ZMYND11: variants seen among roughly 807,000 people sequenced by gnomAD.
The protein encoded by ZMYND11 is zinc finger MYND domain-containing protein 11.
A neutral mutation model predicts 84.9 loss-of-function variants in ZMYND11; 9 were observed. The observed-to-expected ratio is 0.11, with a 90% CI of 0.06 to 0.18. ZMYND11 has a LOEUF of 0.18. Among genes scored for constraint, ZMYND11 ranks in the 10% least tolerant of loss-of-function variants. The probability of loss-of-function intolerance (pLI) is 1.00; values close to 1 mark genes in which losing one functional copy is unlikely to be tolerated. For synonymous variants in ZMYND11, 250 were observed against 244.1 expected (o/e 1.02, Z -0.23); for missense variants, 409 against 761.0 (o/e 0.54, Z 5.44).
At chr10:225,132 A>G (rs2131488520) in intron 4 of ZMYND11, among the ~76,000 whole-genome samples, 1 of 152,352 alleles carries the variant, frequency 6.6e-6, no homozygotes, top group Non-Finnish European at 1.5e-5. Context: ...AAAATTATAT[A>G]CATTTATGTA....
intron 3 of ZMYND11, among the ~76,000 whole-genome samples, chr10:216,714 G>A (rs1277267586): frequency 6.6e-6 from 1 of 152,026 alleles, no homozygotes; most frequent in Non-Finnish European, 1.5e-5. Flanking sequence ...TCTTGCTTTG[G>A]TAAAATACTT....
intron 2 of ZMYND11, among the ~76,000 whole-genome samples, chr10:206,994 C>T (rs866662863): frequency 8.5e-5 from 13 of 152,156 alleles, no homozygotes; most frequent in African/African-American, 2.9e-4. Context: ...CCCACTCCCC[C>T]GACCCCACAA....
intron 6 of ZMYND11, among the ~76,000 whole-genome samples, chr10:239,083 G>A (rs748691067): frequency 1.3e-5 from 2 of 152,200 alleles, no homozygotes; most frequent in African/African-American, 4.8e-5. Context: ...ACAGGTGTGT[G>A]CTTAGGGTCT....
In ZMYND11 at chr10:155,510, C is replaced by CA. The variant is rs545746430; in HGVS notation, c.-20+19958dup. On this transcript the variant is annotated intron_variant, in intron 1 of 14. Transcript: ENST00000381604. Reference sequence around the variant, plus strand: ...CCAAAACAGCAACAACAATGAGAAACAAAAAAAGGAATTTTGAAGAATCAT... The same window carrying CA: ...CCAAAACAGCAACAACAATGAGAAACAAAAAAAAGGAATTTTGAAGAATCAT... 3.0e-3 allele frequency among the ~76,000 whole-genome samples: 459 copies of CA among 151,706 alleles called. No homozygotes were observed. In the Middle Eastern group the frequency reaches 0.031, roughly 10 times the overall value.
chr10:171,857 G>A (rs1350327653), intron 1 of ZMYND11, among the ~76,000 whole-genome samples: 3 of 152,172 alleles, frequency 2.0e-5, no homozygotes, highest in Non-Finnish European at 4.4e-5. Context: ...GCCTTTCAAT[G>A]TCATATAGGA....
At chr10:188,798 A>G (rs1024537562) in intron 2 of ZMYND11, among the ~76,000 whole-genome samples, 12 of 152,336 alleles carry the variant, frequency 7.9e-5, no homozygotes, top group Admixed American at 7.8e-4. Flanking sequence ...AGTAATGGTT[A>G]TAAGATAGTT....
At chr10:132,807 A>G (rs1400215854), upstream of ZMYND11, among the ~76,000 whole-genome samples, 3 of 152,156 alleles carry the variant, frequency 2.0e-5, no homozygotes, top group African/African-American at 7.2e-5. Flanking sequence ...GGGCGGGAGG[A>G]GTATTCCCAC....
At chr10:144,731 A>T (rs1291971343) in intron 1 of ZMYND11, among the ~76,000 whole-genome samples, 4 of 146,436 alleles carry the variant, frequency 2.7e-5, no homozygotes, top group Non-Finnish European at 4.5e-5. Context: ...CTACATATAA[A>T]ATATATATAT....
intron 10 of ZMYND11, among the ~76,000 whole-genome samples, chr10:246,083 GAA>G (rs1952080173): frequency 6.6e-6 from 1 of 152,070 alleles, no homozygotes. Context: ...CAATGCCCAG[GAA>G]AAAGTGTTCT....
intron 1 of ZMYND11, among the ~76,000 whole-genome samples, chr10:178,023 A>T (rs1847042818): frequency 1.3e-5 from 2 of 152,206 alleles, no homozygotes; most frequent in Admixed American, 6.6e-5. Context: ...TTTTAAAGAA[A>T]TTAAGAAAGG....
Position 252,769 on chromosome 10 carries a change from A to C in ZMYND11, c.*299A>C. Reference sequence around the variant, plus strand: ...AGGTTTTACAGAGATTTTAACCTTTAAACAACAGATCTTTAAAAAACAGGT... The same window carrying C: ...AGGTTTTACAGAGATTTTAACCTTTCAACAACAGATCTTTAAAAAACAGGT... On this transcript the variant is annotated 3_prime_UTR_variant, in exon 15 of 15. Transcript: ENST00000381604. This position sits in a 1 kb window ranked among gnomAD's most constrained non-coding sequence, Gnocchi z 4.6. 4.1e-6 allele frequency: 1 copy of C among 241,662 alleles called. No individual in the cohort carries two copies. Among genetic ancestry groups the C allele is most frequent in the South Asian group, 7.5e-5 (1 of 13,380 alleles). 15.0% of individuals were successfully genotyped at this position (241,662 alleles called of 1,614,324 possible). A position where few individuals can be genotyped will look rare whatever the true frequency, so the allele number is the denominator to read the frequency against.
intron 2 of ZMYND11, among the ~76,000 whole-genome samples, chr10:187,007 C>G (rs530787038): frequency 4.6e-5 from 7 of 151,968 alleles, no homozygotes; most frequent in African/African-American, 1.7e-4. Flanking sequence ...ATTGGGGGAT[C>G]GCTTGAGAGT....
intron 1 of ZMYND11, among the ~76,000 whole-genome samples, chr10:163,907 CAT>C (rs1843445847): frequency 6.6e-6 from 1 of 152,086 alleles, no homozygotes; most frequent in Admixed American, 6.6e-5. Flanking sequence ...GATACCTTCA[CAT>C]GTCAGTGTCT....
chr10:248,615 C>A lies in ZMYND11; in HGVS notation c.1500+7C>A. On this transcript the variant is annotated splice_region_variant and intron_variant, in intron 13 of 14. Transcript: ENST00000381604. ...CCGAGAAGCTCTGGAGAAGGTAATG[C>A]TTGTCGCCACTGTGGGTGCCCTGCT... 6.3e-7 allele frequency: 1 copy of A among 1,589,748 alleles called. No individual in the cohort carries two copies. The highest frequency in any genetic ancestry group is 8.6e-7 in the Non-Finnish European group (1 of 1,169,118).
At chr10:211,000 A>AT (rs200081994) in intron 3 of ZMYND11, among the ~76,000 whole-genome samples, 481 of 151,924 alleles carry the variant, frequency 3.2e-3, no homozygotes, top group African/African-American at 0.011. Context: ...CTCTACAAAA[A>AT]AAAATAAAAT....
chr10:158,098 AAC>A (rs1405733814), intron 1 of ZMYND11, among the ~76,000 whole-genome samples: 7 of 152,376 alleles, frequency 4.6e-5, no homozygotes, highest in Admixed American at 1.3e-4. Context: ...CATTGGATAT[AAC>A]ACATTTTGTT....
intron 2 of ZMYND11, among the ~76,000 whole-genome samples, chr10:197,348 C>CT (rs538556251): frequency 7.2e-5 from 11 of 152,034 alleles, no homozygotes; most frequent in East Asian, 5.8e-4. Context: ...TGGAACTTCT[C>CT]TTTTTTTTCA....
chr10:165,243 T>C (rs1426036140), intron 1 of ZMYND11, among the ~76,000 whole-genome samples: 1 of 152,154 alleles, frequency 6.6e-6, no homozygotes, highest in Non-Finnish European at 1.5e-5. Context: ...CTTTCTGCTT[T>C]TTGACATCCT....
intron 3 of ZMYND11, among the ~76,000 whole-genome samples, chr10:216,270 T>A (rs1356997422): frequency 2.6e-5 from 4 of 152,178 alleles, no homozygotes; most frequent in Non-Finnish European, 4.4e-5. Context: ...TGAGCCTGAC[T>A]CCCCAACCCC....
Sources: allele counts gnomAD v4.1 joint callset (sites outside exome capture counted in the v4.1 genomes callset), GRCh38; gene constraint gnomAD v4.1.1; non-coding constraint Gnocchi (gnomAD v3.1); transcripts MANE v1.5; gene names NCBI Gene and HGNC (gene_info 2026-07-23, HGNC 2026-07-21).